The following TENM1 variants were observed in gnomAD, a reference collection of about 807,000 sequenced individuals.
TENM1 encodes teneurin-1.
Under a neutral mutation model 174.8 loss-of-function variants are expected in TENM1, and 35 were observed. The observed-to-expected ratio is 0.20, with a 90% confidence interval of 0.15 to 0.27. The LOEUF is 0.27. Ranked by LOEUF, TENM1 falls within the 10% of genes least tolerant of loss-of-function variation. The probability of loss-of-function intolerance (pLI) is 1.00; values close to 1 mark genes in which losing one functional copy is unlikely to be tolerated. For synonymous variants in TENM1, 781 were observed against 798.7 expected (o/e 0.98, Z 0.37); for missense variants, 1,633 against 2,130.1 (o/e 0.77, Z 4.59).
At chrX:124,512,852 A>G (rs1021538425) in intron 18 of TENM1, among the ~76,000 whole-genome samples, 1 of 111,855 alleles carries the variant, frequency 8.9e-6, no homozygotes, top group Non-Finnish European at 1.9e-5. Flanking sequence ...GATATTCACC[A>G]TCACTTTAAA....
chrX:124,575,398 C>A (rs755386940), intron 11 of TENM1, among the ~76,000 whole-genome samples: 1 of 111,652 alleles, frequency 9.0e-6, no homozygotes, highest in South Asian at 3.8e-4. Flanking sequence ...TGAAGAGATT[C>A]AAAATGATAC....
intron 26 of TENM1, 57 bp from the exon 30 acceptor site, chrX:124,405,323 G>A: frequency 9.8e-7 from 1 of 1,022,321 alleles, no homozygotes. Context: ...GCAGGAAGCA[G>A]AAAAGAGACA....
chrX:124,453,506 C>A lies in TENM1; in HGVS notation c.3950-15G>T. On this transcript the variant is annotated splice_polypyrimidine_tract_variant and intron_variant, in intron 22 of 31. Coordinates refer to ENST00000422452, the Ensembl canonical transcript of TENM1. ...AACTGTGATGCCTGTTGGGAAAGAGCAAATGAGCATTAGTAGTCTAGTGAA... is the reference window on the plus strand; with the variant it reads ...AACTGTGATGCCTGTTGGGAAAGAGAAAATGAGCATTAGTAGTCTAGTGAA... 1.7e-6 allele frequency: 2 copies of A among 1,196,911 alleles called. No homozygotes were observed. Among genetic ancestry groups the A allele is most frequent in the Non-Finnish European group, 1.1e-6 (1 of 886,367 alleles).
At chrX:124,886,183 G>A (rs916213831) in intron 3 of TENM1, among the ~76,000 whole-genome samples, 3 of 110,691 alleles carry the variant, frequency 2.7e-5, no homozygotes, top group Admixed American at 9.6e-5. Flanking sequence ...TTAAAACTCT[G>A]TTGATAAGAG....
intron 23 of TENM1, among the ~76,000 whole-genome samples, chrX:124,429,361 A>AAAC (rs2060752522): frequency 9.1e-6 from 1 of 109,588 alleles, no homozygotes; most frequent in Non-Finnish European, 1.9e-5. Context: ...TTATAAAGGT[A>AAAC]AACAAACAGA....
chrX:125,150,504 T>C, the TENM1 span, among the ~76,000 whole-genome samples: 1 of 111,472 alleles, frequency 9.0e-6, no homozygotes, highest in Non-Finnish European at 1.9e-5. Context: ...AGTGGCTCAT[T>C]TGGGGGAATT....
intron 10 of TENM1, 94 bp downstream of exon 13, chrX:124,645,049 G>T: frequency 1.1e-6 from 1 of 897,973 alleles, no homozygotes; most frequent in Non-Finnish European, 1.6e-6. Context: ...TGTTTGCAAA[G>T]GCCACTTGCA....
Position 124,785,703 on chromosome X carries a change from A to G in TENM1, c.536-48506T>C, listed in dbSNP as rs1045694771. 2.7e-5 allele frequency among the ~76,000 whole-genome samples: 3 copies of G among 112,169 alleles called. No homozygotes were observed. In the Admixed American group the frequency reaches 2.8e-4, roughly 11 times the overall value. ...AGGTCAAATCACTTTAGATGCTGTA[A>G]CAAGTGCTAAACAGAATGGACTTGA... is the stretch of plus-strand genomic sequence containing the variant. On this transcript the variant is annotated intron_variant, in intron 3 of 31. Transcript: ENST00000422452.
chrX:124,536,288 A>C (rs2048205057), intron 15 of TENM1, among the ~76,000 whole-genome samples: 1 of 111,091 alleles, frequency 9.0e-6, no homozygotes, highest in Non-Finnish European at 1.9e-5. Context: ...CTCATATGCA[A>C]ACCCAATACA....
intron 20 of TENM1, among the ~76,000 whole-genome samples, chrX:124,495,881 T>C (rs1167090266): frequency 2.5e-4 from 26 of 103,348 alleles, no homozygotes; most frequent in Admixed American, 1.0e-3. Context: ...TTAAAGTTCA[T>C]ATGGAACCAA....
At chrX:124,739,343 T>G (rs1303175365) in intron 3 of TENM1, among the ~76,000 whole-genome samples, 1 of 111,912 alleles carries the variant, frequency 8.9e-6, no homozygotes, top group Non-Finnish European at 1.9e-5. Context: ...GAAGAAATCA[T>G]AGGGATCACC....
At chrX:124,755,394 G>A (rs2054204947) in intron 3 of TENM1, among the ~76,000 whole-genome samples, 1 of 111,261 alleles carries the variant, frequency 9.0e-6, no homozygotes, top group Admixed American at 9.5e-5. Flanking sequence ...CTGCCTGTGA[G>A]ATGGGTTTCC....
intron 3 of TENM1, among the ~76,000 whole-genome samples, chrX:124,776,301 G>A (rs5956691): frequency 9.0e-6 from 1 of 111,700 alleles, no homozygotes; most frequent in East Asian, 2.8e-4. Flanking sequence ...GGTAATGTAA[G>A]TGGTAAACAT....
chrX:124,469,656 A>T (rs2061278683), intron 22 of TENM1, among the ~76,000 whole-genome samples: 1 of 111,368 alleles, frequency 9.0e-6, no homozygotes, highest in Admixed American at 9.7e-5. Flanking sequence ...CACAAACTCT[A>T]GAGATGTTAA....
intron 3 of TENM1, among the ~76,000 whole-genome samples, chrX:124,771,225 G>A (rs1210329708): frequency 8.9e-6 from 1 of 112,489 alleles, no homozygotes; most frequent in South Asian, 3.6e-4. Flanking sequence ...TAAATTTTAA[G>A]CTATGTTCAG....
intron 3 of TENM1, among the ~76,000 whole-genome samples, chrX:124,765,219 C>A (rs1028183061): frequency 8.9e-6 from 1 of 111,876 alleles, no homozygotes; most frequent in Non-Finnish European, 1.9e-5. Context: ...ACTCCTGCTG[C>A]TGAAATTTCT....
chrX:124,502,408 T>C (rs1403234362), intron 19 of TENM1, among the ~76,000 whole-genome samples: 2 of 112,075 alleles, frequency 1.8e-5, no homozygotes, highest in Admixed American at 9.4e-5. Context: ...GCTGGCTCGA[T>C]TGAGGTCATT....
the TENM1 span, among the ~76,000 whole-genome samples, chrX:125,109,675 CCT>C: frequency 9.0e-6 from 1 of 111,552 alleles, no homozygotes; most frequent in Non-Finnish European, 1.9e-5. Context: ...CCTGCCCTCC[CCT>C]GTTTGAAATG....
intron 11 of TENM1, among the ~76,000 whole-genome samples, chrX:124,580,228 G>A (rs2049268472): frequency 9.0e-6 from 1 of 111,026 alleles, no homozygotes; most frequent in African/African-American, 3.3e-5. Flanking sequence ...CAGACAAATG[G>A]ATAAAGAAAA....
Sources: gnomAD v4.1 joint callset for allele counts (sites outside exome capture counted in the v4.1 genomes callset) on GRCh38, gnomAD v4.1.1 for gene constraint, MANE v1.5 for transcripts, NCBI Gene and HGNC (gene_info 2026-07-23, HGNC 2026-07-21) for gene names.